Variants in PLCZ1 observed in about 807,000 individuals in gnomAD.
PLCZ1 encodes phospholipase C zeta 1.
In PLCZ1, 64 loss-of-function variants were observed where a neutral mutation model predicts 76.8. The observed-to-expected ratio is 0.83, with a 90% CI of 0.68 to 1.03. The LOEUF (loss-of-function observed/expected upper bound fraction) is 1.03. Ranked by LOEUF, PLCZ1 falls within the 50% of genes least tolerant of loss-of-function variation. The pLI is 0.00. For synonymous variants in PLCZ1, 248 were observed against 230.8 expected (o/e 1.07, Z -0.68); for missense variants, 751 against 713.7 (o/e 1.05, Z -0.60).
At chr12:18,673,720 C>T in the PLCZ1 span, among the ~76,000 whole-genome samples, 1 of 152,182 alleles carries the variant, frequency 6.6e-6, no homozygotes, top group East Asian at 1.9e-4. Context: ...AAAGGGTCTG[C>T]AGTCTCATCT....
the PLCZ1 span, among the ~76,000 whole-genome samples, chr12:18,674,239 C>T: frequency 1.3e-5 from 2 of 152,198 alleles, no homozygotes; most frequent in African/African-American, 4.8e-5. Context: ...TAAATTCAAA[C>T]AATAGCTTAA....
chr12:18,685,924 T>TA (rs989534890), intron 13 of PLCZ1, among the ~76,000 whole-genome samples: 1 of 150,880 alleles, frequency 6.6e-6, no homozygotes, highest in Non-Finnish European at 1.5e-5. Flanking sequence ...GTTGTCAACA[T>TA]AAAAAAAAGT....
intron 12 of PLCZ1, 106 bp from the exon 13 acceptor site, chr12:18,688,324 C>G: frequency 8.6e-7 from 1 of 1,166,764 alleles, no homozygotes; most frequent in African/African-American, 1.5e-5. Context: ...GACTCTAAGT[C>G]AGCTCCCACA....
chr12:18,666,932 A>G, the PLCZ1 span, among the ~76,000 whole-genome samples: 1 of 152,200 alleles, frequency 6.6e-6, no homozygotes, highest in Non-Finnish European at 1.5e-5. Context: ...TCTAGGAGGC[A>G]GGTTTCAGGG....
intron 6 of PLCZ1, among the ~76,000 whole-genome samples, chr12:18,712,563 A>G (rs1957465533): frequency 6.6e-6 from 1 of 152,142 alleles, no homozygotes; most frequent in Admixed American, 6.6e-5. Flanking sequence ...CCTGGCCATC[A>G]TCCACAATAA....
At chr12:18,677,440 C>T in the PLCZ1 span, among the ~76,000 whole-genome samples, 1 of 152,066 alleles carries the variant, frequency 6.6e-6, no homozygotes, top group Admixed American at 6.6e-5. Flanking sequence ...ATCTGAATCA[C>T]ATAGAGGGCT....
At chr12:18,674,868 T>C in the PLCZ1 span, among the ~76,000 whole-genome samples, 2 of 152,124 alleles carry the variant, frequency 1.3e-5, no homozygotes, top group Admixed American at 6.6e-5. Flanking sequence ...TCCACCAGCC[T>C]GTGAAGAACC....
chr12:18,700,424 G>A (rs1178810748), intron 9 of PLCZ1, among the ~76,000 whole-genome samples: 1 of 145,758 alleles, frequency 6.9e-6, no homozygotes. Context: ...GAGTCAGGCA[G>A]ATTGGGCCAG....
At chr12:18,651,625 C>G in the PLCZ1 span, among the ~76,000 whole-genome samples, 1 of 152,110 alleles carries the variant, frequency 6.6e-6, no homozygotes, top group Non-Finnish European at 1.5e-5. Context: ...AGCCCTCATT[C>G]TAGACCACAG....
At chr12:18,708,344 T>G (rs1024330457) in intron 6 of PLCZ1, among the ~76,000 whole-genome samples, 3 of 152,018 alleles carry the variant, frequency 2.0e-5, no homozygotes, top group African/African-American at 7.2e-5. Flanking sequence ...AATGGAAAGA[T>G]CTCATTCTTT....
chr12:18,725,140 T>C (rs1011751786), intron 3 of PLCZ1, among the ~76,000 whole-genome samples: 3 of 151,828 alleles, frequency 2.0e-5, no homozygotes, highest in Non-Finnish European at 4.4e-5. Flanking sequence ...TACAGAAAAA[T>C]GAAAACCACA....
Position 18,719,918 on chromosome 12 carries a change from AC to A in PLCZ1, c.368-287del, listed in dbSNP as rs532729028. Among the ~76,000 whole-genome samples the A allele has an allele frequency of 2.6e-4, 39 of 152,194 alleles. 2 individuals are homozygous for A. The South Asian group carries it at 7.9e-3, about 31-fold the overall frequency. On this transcript the variant is annotated intron_variant, in intron 4 of 14. Coordinates refer to ENST00000266505, the MANE Select transcript of PLCZ1 (RefSeq NM_033123.4). ...AAGTACATATATTATGGACCAATGA[AC>A]TTCGACAAGCTACACATCTGGATGA...
chr12:18,709,360 G>C (rs538575629), intron 6 of PLCZ1, among the ~76,000 whole-genome samples: 1 of 151,954 alleles, frequency 6.6e-6, no homozygotes, highest in African/African-American at 2.4e-5. Flanking sequence ...TCTCTATTCT[G>C]TTCCACTGGT....
intron 12 of PLCZ1, chr12:18,694,219 CTG>C: frequency 6.4e-6 from 4 of 620,308 alleles, no homozygotes; most frequent in Non-Finnish European, 1.2e-5. Context: ...GCAAAACATC[CTG>C]TGTCTTTTGG....
the PLCZ1 span, among the ~76,000 whole-genome samples, chr12:18,671,469 A>G: frequency 6.6e-6 from 1 of 152,232 alleles, no homozygotes; most frequent in African/African-American, 2.4e-5. Context: ...ACCTGAACCT[A>G]AAGAAGATCA....
At chr12:18,666,423 G>T in the PLCZ1 span, among the ~76,000 whole-genome samples, 1 of 152,044 alleles carries the variant, frequency 6.6e-6, no homozygotes, top group Non-Finnish European at 1.5e-5. Flanking sequence ...AAAAAGAGCT[G>T]GGGTGGCTAT....
At chr12:18,693,451 T>G in intron 12 of PLCZ1, 2 of 1,605,812 alleles carry the variant, frequency 1.2e-6, no homozygotes, top group South Asian at 2.2e-5. Flanking sequence ...TCATTCTCTG[T>G]GGTCCACCTG....
chr12:18,719,944 A>G (rs1330651652), intron 4 of PLCZ1, among the ~76,000 whole-genome samples: 1 of 152,098 alleles, frequency 6.6e-6, no homozygotes, highest in Non-Finnish European at 1.5e-5. Context: ...CATCTGGATG[A>G]CTGGCACACA....
chr12:18,650,899 A>G, the PLCZ1 span, among the ~76,000 whole-genome samples: 1 of 151,396 alleles, frequency 6.6e-6, no homozygotes, highest in African/African-American at 2.4e-5. Flanking sequence ...TGGATTATAT[A>G]ATTGCCTTCT....
Sources: allele counts gnomAD v4.1 joint callset (sites outside exome capture counted in the v4.1 genomes callset), GRCh38; gene constraint gnomAD v4.1.1; transcripts MANE v1.5; gene names NCBI Gene and HGNC (gene_info 2026-07-23, HGNC 2026-07-21).